GALNTL6: variants seen among roughly 807,000 people sequenced by gnomAD.
GALNTL6 encodes the protein polypeptide N-acetylgalactosaminyltransferase like 6, also known as polypeptide N-acetylgalactosaminyltransferase-like 6.
GALNTL6 carries 46 observed loss-of-function variants against 73.7 expected under a neutral mutation model. The observed-to-expected ratio is 0.62, with a 90% CI of 0.49 to 0.80. The LOEUF is 0.80. Ranked by LOEUF, GALNTL6 falls within the 30% of genes least tolerant of loss-of-function variation. The pLI is 0.00. For synonymous variants in GALNTL6, 259 were observed against 263.7 expected, an observed-to-expected ratio of 0.98 and a Z score of 0.17; for missense variants, 604 against 755.0, an observed-to-expected ratio of 0.80 and a Z score of 2.34.
At chr4:171,890,779 T>C (rs1451839592) in intron 2 of GALNTL6, among the ~76,000 whole-genome samples, 1 of 152,132 alleles carries the variant, frequency 6.6e-6, no homozygotes, top group African/African-American at 2.4e-5. Context: ...AGTCAAACTC[T>C]CTGTTAGGCT....
chr4:171,843,426 C>T (rs1735292408), intron 2 of GALNTL6, among the ~76,000 whole-genome samples: 1 of 151,974 alleles, frequency 6.6e-6, no homozygotes, highest in African/African-American at 2.4e-5. Context: ...AGATTACTGA[C>T]ATTCTTGCTG....
intron 4 of GALNTL6, among the ~76,000 whole-genome samples, chr4:172,337,507 T>C (rs1189291110): frequency 4.6e-5 from 7 of 152,180 alleles, no homozygotes; most frequent in African/African-American, 1.7e-4. Flanking sequence ...ATTATATGTC[T>C]GGAAAATGTT....
chr4:172,744,758 C>G (rs1485247092), intron 5 of GALNTL6, among the ~76,000 whole-genome samples: 1 of 151,916 alleles, frequency 6.6e-6, no homozygotes, highest in Non-Finnish European at 1.5e-5. Flanking sequence ...AGGATCCCAT[C>G]ATCACTGTTG....
chr4:172,078,386 C>G (rs1731774513), intron 2 of GALNTL6, among the ~76,000 whole-genome samples: 1 of 152,130 alleles, frequency 6.6e-6, no homozygotes, highest in Non-Finnish European at 1.5e-5. Context: ...CGTGAGGCCT[C>G]CCTGTCATGC....
intron 5 of GALNTL6, among the ~76,000 whole-genome samples, chr4:172,692,494 G>T (rs1733370650): frequency 6.6e-6 from 1 of 151,972 alleles, no homozygotes; most frequent in Admixed American, 6.6e-5. Context: ...TTTGGACTCA[G>T]ATACTTTTAT....
intron 5 of GALNTL6, among the ~76,000 whole-genome samples, chr4:172,771,899 C>A (rs1970810): frequency 1 from 152,124 of 152,240 alleles, 76,005 homozygotes; most frequent in Non-Finnish European, 1. Context: ...TAGATCGGAA[C>A]ATTCAATACA....
At position 171,987,817 on chromosome 4, in the gene GALNTL6, A is replaced by G. The variant is rs570631827; in HGVS notation, c.138+173099A>G. On this transcript the variant is annotated intron_variant, in intron 2 of 12. Transcript: ENST00000506823. ...GCGTGATCAGGGTGAGGAACAGGAA[A>G]GAAGGAAATATGGGGAAATGGGGTG... 5.3e-5 allele frequency among the ~76,000 whole-genome samples: 8 copies of G among 152,276 alleles called. No homozygotes were observed. In the South Asian group the frequency reaches 1.5e-3, roughly 28 times the overall value.
At chr4:171,973,806 G>A (rs755992670) in intron 2 of GALNTL6, among the ~76,000 whole-genome samples, 13 of 152,064 alleles carry the variant, frequency 8.5e-5, no homozygotes, top group Non-Finnish European at 1.8e-4. Flanking sequence ...ATAGAGACAT[G>A]TGTTTGTCAC....
intron 2 of GALNTL6, among the ~76,000 whole-genome samples, chr4:171,876,379 C>A (rs1736278653): frequency 6.6e-6 from 1 of 152,110 alleles, no homozygotes; most frequent in African/African-American, 2.4e-5. Flanking sequence ...CAAATCTTTT[C>A]AAATAATAAG....
At chr4:172,364,886 A>G (rs1462891008) in intron 5 of GALNTL6, among the ~76,000 whole-genome samples, 4 of 152,186 alleles carry the variant, frequency 2.6e-5, no homozygotes, top group Non-Finnish European at 5.9e-5. Context: ...TTTTCTCCCC[A>G]AGCAATTTTT....
At chr4:172,995,795 T>C (rs1006105227) in intron 10 of GALNTL6, among the ~76,000 whole-genome samples, 3 of 152,244 alleles carry the variant, frequency 2.0e-5, no homozygotes, top group Non-Finnish European at 4.4e-5. Flanking sequence ...TGACATGCCA[T>C]GCTCTTTTGT....
Position 172,498,001 on chromosome 4 carries a change from TG to T in GALNTL6, c.553+149313del, listed in dbSNP as rs67075974. On this transcript the variant is annotated intron_variant, in intron 5 of 12. Transcript: ENST00000506823. Reference sequence around the variant, plus strand: ...GGGAATGTCACATTTCTTTTTTTTTTGTTTTTTTGAGATGGAGTCTTGCTCT... The same window carrying T: ...GGGAATGTCACATTTCTTTTTTTTTTTTTTTTTGAGATGGAGTCTTGCTCT... Among the ~76,000 whole-genome samples the T allele has an allele frequency of 1.4e-4, 20 of 147,248 alleles. 4 individuals are homozygous for T. Among genetic ancestry groups the T allele is most frequent in the East Asian group, 2.0e-4 (1 of 5,014 alleles).
rs1196865895 is a variant in GALNTL6 at position 172,177,766 on chromosome 4, TATGTACAC to T, written c.139-51887_139-51880del. Among the ~76,000 whole-genome samples, 613 of 142,064 alleles carry T rather than the reference TATGTACAC, an allele frequency of 4.3e-3. 2 individuals carry two copies. The highest frequency in any genetic ancestry group is 0.016 in the African/African-American group (572 of 35,354). The allele number at this position is 142,064 out of a possible 152,430, so 93.2% of individuals were successfully genotyped here. On this transcript the variant is annotated intron_variant, in intron 2 of 12. Coordinates refer to ENST00000506823, the MANE Select transcript of GALNTL6 (RefSeq NM_001034845.3). ...ATGTGTATATATATGTGTGTATATA[TATGTACAC>T]ATATATACACATGTGTATATATATA...
intron 5 of GALNTL6, among the ~76,000 whole-genome samples, chr4:172,580,156 A>G (rs1376905186): frequency 2.0e-5 from 3 of 152,232 alleles, no homozygotes; most frequent in Non-Finnish European, 2.9e-5. Flanking sequence ...CTCACAGTAT[A>G]AAATTACTCA....
At chr4:171,856,823 CTTAA>C (rs754973916) in intron 2 of GALNTL6, among the ~76,000 whole-genome samples, 4 of 152,068 alleles carry the variant, frequency 2.6e-5, no homozygotes, top group Non-Finnish European at 5.9e-5. Flanking sequence ...ATGCAATTGT[CTTAA>C]TTATTGTAGA....
intron 5 of GALNTL6, among the ~76,000 whole-genome samples, chr4:172,398,863 T>G (rs1218019006): frequency 2.0e-5 from 3 of 151,310 alleles, no homozygotes; most frequent in Admixed American, 6.6e-5. Context: ...AATGTTTGGG[T>G]TTTTTTTTCT....
intron 5 of GALNTL6, among the ~76,000 whole-genome samples, chr4:172,597,260 A>T (rs557713488): frequency 6.6e-6 from 1 of 152,182 alleles, no homozygotes; most frequent in Non-Finnish European, 1.5e-5. Context: ...GCCCTATTCT[A>T]CTGTCTTTAT....
At chr4:172,940,321 A>G (rs1305772748) in intron 9 of GALNTL6, among the ~76,000 whole-genome samples, 1 of 151,914 alleles carries the variant, frequency 6.6e-6, no homozygotes, top group African/African-American at 2.4e-5. Context: ...ACCTAATTCC[A>G]CTTCCCAACT....
Position 172,596,839 on chromosome 4 carries a change from G to C in GALNTL6, c.554-212522G>C, listed in dbSNP as rs1737873774. On this transcript the variant is annotated intron_variant, in intron 5 of 12. Transcript: ENST00000506823. ...TGGGAAAAGCAAATGAATATATATA[G>C]GATATCATTATTCAAACTTACTATG... is the stretch of plus-strand genomic sequence containing the variant. 3.9e-5 allele frequency among the ~76,000 whole-genome samples: 6 copies of C among 152,098 alleles called. No individual in the cohort carries two copies. The East Asian group carries it at 1.2e-3, about 29-fold the overall frequency.
Sources: allele counts gnomAD v4.1 joint callset (sites outside exome capture counted in the v4.1 genomes callset), GRCh38; gene constraint gnomAD v4.1.1; transcripts MANE v1.5; gene names NCBI Gene and HGNC (gene_info 2026-07-23, HGNC 2026-07-21).